The following NDC80 variants were observed in gnomAD, a reference collection of about 807,000 sequenced individuals.
NDC80 encodes kinetochore protein NDC80 homolog.
A neutral mutation model predicts 89.3 loss-of-function variants in NDC80; 69 were observed. The observed-to-expected ratio is 0.77, with a 90% CI of 0.64 to 0.94. NDC80 has a LOEUF of 0.94. Among genes scored for constraint, NDC80 ranks in the 40% least tolerant of loss-of-function variants. The probability of loss-of-function intolerance (pLI) is 0.00; values close to 1 mark genes in which losing one functional copy is unlikely to be tolerated. For synonymous variants in NDC80, 243 were observed against 255.6 expected (o/e 0.95, Z 0.47); for missense variants, 593 against 739.6 (o/e 0.80, Z 2.30).
chr18:2,578,264 T>C, intron 5 of NDC80, 123 bp downstream of exon 5: 1 of 896,378 alleles, frequency 1.1e-6, no homozygotes, highest in Non-Finnish European at 1.7e-6. Flanking sequence ...CTGTGGGCAA[T>C]ATATGTAGGA....
At chr18:2,593,031 TGTGTGTGTGTGTGTGTGTGTGTGTC>T (rs2143649060) in intron 10 of NDC80, among the ~76,000 whole-genome samples, 1 of 125,066 alleles carries the variant, frequency 8.0e-6, no homozygotes, top group African/African-American at 3.7e-5. Flanking sequence ...TGTGTGTGTG[TGTGTGTGTGTGTGTGTGTGTGTGTC>T]TTTTTTTTTT....
intron 2 of NDC80, 23 bp from the exon 3 acceptor site, chr18:2,574,960 TAAAGAG>T: frequency 7.0e-7 from 1 of 1,421,788 alleles, no homozygotes; most frequent in South Asian, 1.3e-5. Flanking sequence ...ATTTTTATTT[TAAAGAG>T]TTGTTTTCTA....
At chr18:2,584,377 CTG>C (rs1173388639) in intron 6 of NDC80, among the ~76,000 whole-genome samples, 8 of 149,934 alleles carry the variant, frequency 5.3e-5, no homozygotes, top group Non-Finnish European at 5.9e-5. Context: ...TCTAGTATAT[CTG>C]TGTTTATATC....
intron 3 of NDC80, chr18:2,577,467 G>A (rs1216530853): frequency 7.5e-6 from 2 of 266,730 alleles, no homozygotes; most frequent in Non-Finnish European, 1.5e-5. Flanking sequence ...CACCGCCTCA[G>A]CCTCCCAAAG....
rs71365186 is a variant in NDC80, at chr18:2,580,731, A to ATTTTTTTTTTTTTTTTTTTTTTTTT, written c.579+1707_579+1731dup. ...ACTACTTTTTTGGTCTCACCATCAGATTTTTTTTTTTTTTTTTTTTTTTTT... is the reference window on the plus strand; with the variant it reads ...ACTACTTTTTTGGTCTCACCATCAGATTTTTTTTTTTTTTTTTTTTTTTTTTTTTTTTTTTTTTTTTTTTTTTTTT... On this transcript the variant is annotated intron_variant, in intron 6 of 16. Coordinates refer to ENST00000261597, the MANE Select transcript of NDC80 (RefSeq NM_006101.3). Among the ~76,000 whole-genome samples, 17 of 55,452 alleles carry ATTTTTTTTTTTTTTTTTTTTTTTTT rather than the reference A, an allele frequency of 3.1e-4. 4 individuals are homozygous for ATTTTTTTTTTTTTTTTTTTTTTTTT. Among genetic ancestry groups the ATTTTTTTTTTTTTTTTTTTTTTTTT allele is most frequent in the East Asian group, 1.8e-3 (2 of 1,090 alleles). The allele number at this position is 55,452 out of a possible 152,430, so 36.4% of individuals were successfully genotyped here.
At chr18:2,584,888 T>G (rs1207763633) in intron 6 of NDC80, among the ~76,000 whole-genome samples, 1 of 152,196 alleles carries the variant, frequency 6.6e-6, no homozygotes, top group Non-Finnish European at 1.5e-5. Context: ...AGAGTTTAGT[T>G]ACTAAACAAA....
intron 6 of NDC80, among the ~76,000 whole-genome samples, chr18:2,580,281 G>A (rs761969700): frequency 2.6e-5 from 4 of 151,360 alleles, no homozygotes; most frequent in East Asian, 1.9e-4. Context: ...AAAAATGGTC[G>A]AGTCAGAGAA....
At chr18:2,613,314 A>G (rs951531635) in intron 16 of NDC80, among the ~76,000 whole-genome samples, 1 of 152,262 alleles carries the variant, frequency 6.6e-6, no homozygotes, top group African/African-American at 2.4e-5. Context: ...GATTCTTTAC[A>G]GAAAAACTTT....
At chr18:2,591,006 G>A (rs531436605) in intron 10 of NDC80, among the ~76,000 whole-genome samples, 2 of 151,300 alleles carry the variant, frequency 1.3e-5, no homozygotes, top group Non-Finnish European at 2.9e-5. Flanking sequence ...CCACGTAGCT[G>A]GGACTATAAT....
intron 3 of NDC80, among the ~76,000 whole-genome samples, chr18:2,575,670 A>G (rs2072542860): frequency 6.6e-6 from 1 of 152,060 alleles, no homozygotes; most frequent in African/African-American, 2.4e-5. Context: ...CACACCTGTA[A>G]TCCCAGCACT....
chr18:2,573,053 A>T lies in NDC80; in HGVS notation c.68A>T (p.Asp23Val), dbSNP rs780396206. The T allele has an allele frequency of 9.3e-6, 15 of 1,614,012 alleles. No homozygotes were observed. Among genetic ancestry groups the T allele is most frequent in the Admixed American group, 1.7e-5 (1 of 60,002 alleles). The part of the protein sequence containing the change: ...RLSMQELRSQ[D>V]VNKQGLYTPQ... ...TCCATGCAGGAGTTAAGATCCCAGG[A>T]TGTAAATAAACAAGGCCTCTATACC... Residue 23 changes from aspartate to valine, a missense_variant, in exon 2 of 17, where the codon GAT becomes GTT. Physicochemically the swap from Asp to Val is radical, Grantham distance 152. Coordinates refer to ENST00000261597, the MANE Select transcript of NDC80 (RefSeq NM_006101.3).
intron 10 of NDC80, among the ~76,000 whole-genome samples, chr18:2,591,755 C>CTTT (rs56126967): frequency 7.3e-6 from 1 of 136,372 alleles, no homozygotes; most frequent in Non-Finnish European, 1.6e-5. Context: ...TTAATCAATA[C>CTTT]TTTTTTTTTT....
At chr18:2,613,056 T>C (rs1442461831) in intron 16 of NDC80, among the ~76,000 whole-genome samples, 1 of 152,234 alleles carries the variant, frequency 6.6e-6, no homozygotes, top group African/African-American at 2.4e-5. Context: ...AGTGTTTATT[T>C]GAGCAGTTCC....
chr18:2,595,343 C>G (rs2072649174), intron 10 of NDC80, 73 bp from the exon 11 acceptor site: 1 of 960,518 alleles, frequency 1.0e-6, no homozygotes, highest in South Asian at 1.4e-5. Flanking sequence ...TATCTTAGCT[C>G]TATTACATGA....
intron 16 of NDC80, chr18:2,615,056 C>T (rs1164387580): frequency 6.6e-6 from 1 of 152,308 alleles, no homozygotes; most frequent in Non-Finnish European, 1.5e-5. Context: ...TCCCTAGAGC[C>T]TTCAGAGAGA....
chr18:2,581,609 A>G (rs970085409), intron 6 of NDC80, among the ~76,000 whole-genome samples: 2 of 152,242 alleles, frequency 1.3e-5, no homozygotes, highest in African/African-American at 4.8e-5. Flanking sequence ...CAGTGAGCCG[A>G]TATCACACCA....
At chr18:2,604,843 A>T (rs2072701869) in intron 13 of NDC80, among the ~76,000 whole-genome samples, 1 of 152,166 alleles carries the variant, frequency 6.6e-6, no homozygotes, top group Non-Finnish European at 1.5e-5. Context: ...GAAGATTTAT[A>T]AGTAAGGAAA....
intron 16 of NDC80, 122 bp from the exon 17 acceptor site, chr18:2,616,315 A>C: frequency 1.7e-6 from 1 of 601,004 alleles, no homozygotes; most frequent in Non-Finnish European, 2.6e-6. Flanking sequence ...GTGAGCCACC[A>C]TGCCCGGCCC....
At chr18:2,592,163 A>T (rs1442906468) in intron 10 of NDC80, among the ~76,000 whole-genome samples, 1 of 152,200 alleles carries the variant, frequency 6.6e-6, no homozygotes, top group Non-Finnish European at 1.5e-5. Context: ...TGATAGCTGC[A>T]AACTCAGTAG....
Sources: gnomAD v4.1 joint callset for allele counts (sites outside exome capture counted in the v4.1 genomes callset) on GRCh38, gnomAD v4.1.1 for gene constraint, MANE v1.5 for transcripts, NCBI Gene and HGNC (gene_info 2026-07-23, HGNC 2026-07-21) for gene names.